The following ANO2 variants were observed in gnomAD, a reference collection of about 807,000 sequenced individuals.
ANO2 encodes the protein anoctamin 2.
A neutral mutation model predicts 124.2 loss-of-function variants in ANO2; 101 were observed. That is an observed-to-expected ratio of 0.81 (90% CI 0.69 to 0.96). ANO2 has a LOEUF of 0.96. Among genes scored for constraint, ANO2 ranks in the 40% least tolerant of loss-of-function variants. The pLI is 0.00. For synonymous variants in ANO2, 486 were observed against 482.5 expected (o/e 1.01, Z -0.09); for missense variants, 1,293 against 1,274.5 (o/e 1.01, Z -0.22).
At chr12:5,780,192 C>A (rs1055271867) in intron 10 of ANO2, among the ~76,000 whole-genome samples, 1 of 152,098 alleles carries the variant, frequency 6.6e-6, no homozygotes, top group African/African-American at 2.4e-5. Context: ...TATTAATATA[C>A]CTCTATGCAT....
intron 4 of ANO2, among the ~76,000 whole-genome samples, chr12:5,847,469 G>GTT (rs1241019098): frequency 1.3e-5 from 2 of 151,852 alleles, no homozygotes; most frequent in Non-Finnish European, 2.9e-5. Context: ...GTGTGTGTGT[G>GTT]TGTGTGTGTC....
intron 3 of ANO2, among the ~76,000 whole-genome samples, chr12:5,916,195 G>A (rs892512633): frequency 5.9e-5 from 9 of 152,018 alleles, no homozygotes; most frequent in African/African-American, 2.2e-4. Context: ...GAGGATCACC[G>A]GCACCTGGGG....
chr12:5,664,207 G>C (rs539487789), intron 14 of ANO2, among the ~76,000 whole-genome samples: 6 of 152,300 alleles, frequency 3.9e-5, no homozygotes, highest in African/African-American at 1.4e-4. Flanking sequence ...AGCTAAGGTA[G>C]TGGGCCAAGA....
intron 10 of ANO2, among the ~76,000 whole-genome samples, chr12:5,760,011 T>C (rs1951694058): frequency 6.6e-6 from 1 of 152,144 alleles, no homozygotes; most frequent in Non-Finnish European, 1.5e-5. Context: ...CAATGACAAG[T>C]AAGAGATATT....
intron 1 of ANO2, among the ~76,000 whole-genome samples, chr12:5,924,663 C>T (rs1336505104): frequency 6.6e-6 from 1 of 152,230 alleles, no homozygotes; most frequent in African/African-American, 2.4e-5. Flanking sequence ...AGATAAAAGG[C>T]TAGATAGCTC....
intron 14 of ANO2, among the ~76,000 whole-genome samples, chr12:5,732,247 G>A (rs964121909): frequency 6.6e-6 from 1 of 152,080 alleles, no homozygotes; most frequent in South Asian, 2.1e-4. Flanking sequence ...GATGATGGTA[G>A]GAATCAGGCC....
rs760782442 is a variant in ANO2 at position 5,921,179 on chromosome 12, C to A, written c.395G>T (p.Gly132Val). The A allele has an allele frequency of 1.9e-6, 3 of 1,613,954 alleles. No individual in the cohort carries two copies. The highest frequency in any genetic ancestry group is 2.2e-5 in the East Asian group (1 of 44,876). The change falls in exon 3 of 25, where the codon GGC becomes GTC. Residue 132 changes from glycine (G) to valine (V), a missense_variant. Coordinates refer to ENST00000682330, the MANE Select transcript of ANO2 (RefSeq NM_001364791.2). Reference protein sequence around the residue: ...SLAIVSNGETGKEPHAGGPGD... With the variant: ...SLAIVSNGETVKEPHAGGPGD... ...TGGGCCCCCAGCATGAGGCTCCTTG[C>A]CTGTCTCCCCATTGGAGACGATAGC...
chr12:5,588,105 C>T (rs1005184153), intron 20 of ANO2, among the ~76,000 whole-genome samples: 7 of 143,088 alleles, frequency 4.9e-5, no homozygotes, highest in Non-Finnish European at 7.5e-5. Flanking sequence ...ACACCAGAGG[C>T]GGGGGGCAGC....
At chr12:5,655,259 T>C (rs1454737449) in intron 14 of ANO2, among the ~76,000 whole-genome samples, 3 of 152,336 alleles carry the variant, frequency 2.0e-5, no homozygotes, top group African/African-American at 7.2e-5. Context: ...TGTCCCTCCC[T>C]CTTGTTGACT....
chr12:5,926,432 C>T (rs1591803019), intron 1 of ANO2, among the ~76,000 whole-genome samples: 1 of 152,162 alleles, frequency 6.6e-6, no homozygotes, highest in African/African-American at 2.4e-5. Flanking sequence ...CCATGGCTCT[C>T]GGGCTGGGAC....
chr12:5,840,431 G>T (rs1213532421), intron 4 of ANO2, among the ~76,000 whole-genome samples: 2 of 151,998 alleles, frequency 1.3e-5, no homozygotes, highest in Non-Finnish European at 2.9e-5. Context: ...TTAAAATCAT[G>T]TGCTTTCCTG....
At chr12:5,661,946 A>AC (rs1321515546) in intron 14 of ANO2, among the ~76,000 whole-genome samples, 1 of 152,224 alleles carries the variant, frequency 6.6e-6, no homozygotes, top group Non-Finnish European at 1.5e-5. Context: ...TCCCTCATGC[A>AC]TGGTGTCAAC....
chr12:5,915,179 G>A (rs1034520414), intron 3 of ANO2, among the ~76,000 whole-genome samples: 1 of 152,178 alleles, frequency 6.6e-6, no homozygotes, highest in Non-Finnish European at 1.5e-5. Context: ...TCACCCATAA[G>A]CATCTCCAAC....
chr12:5,815,789 C>A (rs1365295780), intron 7 of ANO2, among the ~76,000 whole-genome samples: 1 of 151,848 alleles, frequency 6.6e-6, no homozygotes, highest in Non-Finnish European at 1.5e-5. Context: ...ACTATGCTGT[C>A]TTATTGTTTT....
At position 5,769,286 on chromosome 12, in the gene ANO2, G is replaced by A. The variant is rs1565654922; in HGVS notation, c.1056-18316C>T. 6.6e-6 allele frequency among the ~76,000 whole-genome samples: 1 copy of A among 152,246 alleles called. No homozygotes were observed. The highest frequency in any genetic ancestry group is 2.1e-4 in the South Asian group (1 of 4,826). The stretch of plus-strand genomic sequence containing the variant: ...AGCCAGGCTGATGGGGTACAGGTGG[G>A]ACCAGGAACCAGGACTGGCTGGCCT... On this transcript the variant is annotated intron_variant, in intron 10 of 24. Coordinates refer to ENST00000682330, the MANE Select transcript of ANO2 (RefSeq NM_001364791.2). The surrounding 1 kb of genome is among the most constrained non-coding windows in gnomAD (Gnocchi z 4.0).
At chr12:5,615,878 C>G (rs1944780329) in intron 16 of ANO2, among the ~76,000 whole-genome samples, 1 of 152,134 alleles carries the variant, frequency 6.6e-6, no homozygotes, top group Non-Finnish European at 1.5e-5. Flanking sequence ...CAGTCATACA[C>G]TCAAATGATA....
intron 14 of ANO2, among the ~76,000 whole-genome samples, chr12:5,669,037 T>C (rs1947867376): frequency 6.6e-6 from 1 of 151,616 alleles, no homozygotes; most frequent in African/African-American, 2.4e-5. Context: ...AAGCTCTTTT[T>C]TTAGTACCAT....
At chr12:5,685,095 ATCC>A (rs1398763184) in intron 14 of ANO2, among the ~76,000 whole-genome samples, 26 of 152,332 alleles carry the variant, frequency 1.7e-4, no homozygotes, top group Admixed American at 1.5e-3. Context: ...ACCCAGCAAC[ATCC>A]TATGCCCACC....
chr12:5,882,467 G>A (rs1015246900), intron 3 of ANO2, among the ~76,000 whole-genome samples: 3 of 152,144 alleles, frequency 2.0e-5, no homozygotes, highest in Non-Finnish European at 4.4e-5. Context: ...GAAAGGCTGG[G>A]ACCTGCTCTT....
Sources: gnomAD v4.1 joint callset for allele counts (sites outside exome capture counted in the v4.1 genomes callset) on GRCh38, gnomAD v4.1.1 for gene constraint, Gnocchi (gnomAD v3.1) non-coding constraint, MANE v1.5 for transcripts, NCBI Gene and HGNC (gene_info 2026-07-23, HGNC 2026-07-21) for gene names.